CLTC: variants seen among roughly 807,000 people sequenced by gnomAD.
CLTC encodes the protein clathrin heavy chain 1.
In CLTC, 16 loss-of-function variants were observed where a neutral mutation model predicts 195.8. The ratio of observed to expected loss-of-function variants is 0.08; its 90% CI spans 0.06 to 0.12. CLTC has a LOEUF of 0.12. CLTC is among the 10% of genes least tolerant of loss of function. The pLI is 1.00. For synonymous variants in CLTC, 667 were observed against 689.4 expected (o/e 0.97, Z 0.51); for missense variants, 796 against 2,027.0 (o/e 0.39, Z 11.66).
At chr17:59,636,511 G>A (rs8074079) in intron 1 of CLTC, among the ~76,000 whole-genome samples, 86,025 of 151,078 alleles carry the variant, frequency 0.57, 28,116 homozygotes, top group Non-Finnish European at 0.74. Flanking sequence ...GCTGGAGTGC[G>A]GTGGCGCGAT....
At chr17:59,623,899 A>C (rs1162826827) in intron 1 of CLTC, among the ~76,000 whole-genome samples, 1 of 152,210 alleles carries the variant, frequency 6.6e-6, no homozygotes, top group Non-Finnish European at 1.5e-5. Context: ...ACATGTGACA[A>C]TTGACTCCTA....
At chr17:59,646,300 T>G (rs2032192580) in intron 2 of CLTC, among the ~76,000 whole-genome samples, 2 of 152,176 alleles carry the variant, frequency 1.3e-5, no homozygotes, top group Non-Finnish European at 2.9e-5. Context: ...CCCCTTGGCT[T>G]CTTTTTATAA....
At chr17:59,645,850 G>C (rs960353741) in intron 2 of CLTC, among the ~76,000 whole-genome samples, 2 of 71,492 alleles carry the variant, frequency 2.8e-5, no homozygotes, top group Non-Finnish European at 7.1e-5. Flanking sequence ...CTTCTATTTA[G>C]GGTATTAAGC....
chr17:59,657,161 A>T (rs1163431788), intron 6 of CLTC, among the ~76,000 whole-genome samples: 3 of 152,138 alleles, frequency 2.0e-5, no homozygotes, highest in Non-Finnish European at 4.4e-5. Context: ...ATTTTTGAAA[A>T]ATGTTATGTA....
chr17:59,655,749 CTTG>C, intron 5 of CLTC, 102 bp from the exon 6 acceptor site: 2 of 903,620 alleles, frequency 2.2e-6, no homozygotes, highest in South Asian at 4.5e-5. Flanking sequence ...AAATAACCCT[CTTG>C]TTCTGGAATT....
chr17:59,620,014 A>G lies in CLTC; in HGVS notation c.-118A>G. Reference sequence around the variant, plus strand: ...CTGCCAGTTTCCTGCGTCCCCGGAGAGGATCCTGCTGAGCCCAGCCTCCCC... The same window carrying G: ...CTGCCAGTTTCCTGCGTCCCCGGAGGGGATCCTGCTGAGCCCAGCCTCCCC... On this transcript the variant is annotated 5_prime_UTR_variant, in exon 1 of 32. Coordinates refer to ENST00000269122, the MANE Select transcript of CLTC (RefSeq NM_004859.4). The G allele has an allele frequency of 1.2e-6, 1 of 825,546 alleles. No individual in the cohort carries two copies. Among genetic ancestry groups the G allele is most frequent in the Non-Finnish European group, 2.0e-6 (1 of 511,322 alleles). 51.1% of individuals were successfully genotyped at this position (825,546 alleles called of 1,614,324 possible). A position where few individuals can be genotyped will look rare whatever the true frequency, so the allele number is the denominator to read the frequency against.
Position 59,620,183 on chromosome 17 carries a change from G to A in CLTC, c.42+10G>A. On this transcript the variant is annotated intron_variant, in intron 1 of 31. Coordinates refer to ENST00000269122, the MANE Select transcript of CLTC (RefSeq NM_004859.4). ...TCAGGAGCATCTCCAGGTGCGGCCG[G>A]GCCCGGGCTGGTGAGGGCTGTGGAG... 1 of 1,614,056 alleles carries A rather than the reference G, an allele frequency of 6.2e-7. No homozygotes were observed. The highest frequency in any genetic ancestry group is 8.5e-7 in the Non-Finnish European group (1 of 1,179,952).
In CLTC at chr17:59,682,169, A is replaced by G. The variant is rs1282805680; in HGVS notation, c.3443-102A>G. On this transcript the variant is annotated intron_variant, in intron 21 of 31. Coordinates refer to ENST00000269122, the MANE Select transcript of CLTC (RefSeq NM_004859.4). This position sits in a 1 kb window ranked among gnomAD's most constrained non-coding sequence, Gnocchi z 6.8. ...GCACGGTTTACATTTGTCATTATCC[A>G]TGTTTCCTTGAAAAGGAAATGAATG... 36 of 1,089,820 alleles carry G rather than the reference A, an allele frequency of 3.3e-5. 1 individual carries two copies. In the East Asian group the frequency reaches 6.3e-4, roughly 19 times the overall value. 67.5% of individuals were successfully genotyped at this position (1,089,820 alleles called of 1,614,324 possible). A position where few individuals can be genotyped will look rare whatever the true frequency, so the allele number is the denominator to read the frequency against.
intron 1 of CLTC, among the ~76,000 whole-genome samples, chr17:59,622,929 G>T (rs1468531551): frequency 6.6e-6 from 1 of 152,172 alleles, no homozygotes; most frequent in Non-Finnish European, 1.5e-5. Flanking sequence ...AATATATGAA[G>T]ATTTCTCTTT....
At chr17:59,627,802 T>G (rs1355834207) in intron 1 of CLTC, among the ~76,000 whole-genome samples, 1 of 152,224 alleles carries the variant, frequency 6.6e-6, no homozygotes, top group African/African-American at 2.4e-5. Flanking sequence ...GTCACACTTT[T>G]CTATAGACTT....
At chr17:59,631,883 T>A (rs564247910) in intron 1 of CLTC, among the ~76,000 whole-genome samples, 2 of 150,690 alleles carry the variant, frequency 1.3e-5, no homozygotes, top group African/African-American at 2.4e-5. Flanking sequence ...GGTGGATGGA[T>A]CACCTGAGCC....
chr17:59,695,672 C>CA lies in CLTC; in HGVS notation c.*1827dup, dbSNP rs139136427. ...AGAATGAGACTCTTGTCTCAAAAAA[C>CA]AAAAAAACCTATTTAGTTTCATCCA... On this transcript the variant is annotated 3_prime_UTR_variant, in exon 32 of 32. Coordinates refer to ENST00000269122, the MANE Select transcript of CLTC (RefSeq NM_004859.4). The CA allele has an allele frequency of 1.1e-4, 21 of 184,696 alleles. 1 individual carries two copies. The highest frequency in any genetic ancestry group is 1.5e-4 in the Non-Finnish European group (13 of 87,356). 11.4% of individuals were successfully genotyped at this position (184,696 alleles called of 1,614,324 possible).
rs2032249084 is a variant in CLTC, at chr17:59,648,455, C to T, written c.681+54C>T. On this transcript the variant is annotated intron_variant, in intron 4 of 31. Coordinates refer to ENST00000269122, the MANE Select transcript of CLTC (RefSeq NM_004859.4). The surrounding 1 kb of genome is among the most constrained non-coding windows in gnomAD (Gnocchi z 4.5). The stretch of plus-strand genomic sequence containing the variant: ...ATGAGAACTTGTATTTGGCTTTCTG[C>T]TATGAATTAGTCATCTAATTTCAAA... The T allele has an allele frequency of 6.7e-7, 1 of 1,487,724 alleles. No homozygotes were observed. Among genetic ancestry groups the T allele is most frequent in the African/African-American group, 1.4e-5 (1 of 72,194 alleles). The allele number at this position is 1,487,724 out of a possible 1,614,324, so 92.2% of individuals were successfully genotyped here. A position where few individuals can be genotyped will look rare whatever the true frequency, so the allele number is the denominator to read the frequency against.
intron 1 of CLTC, among the ~76,000 whole-genome samples, chr17:59,627,415 A>G (rs1321136099): frequency 1.3e-5 from 2 of 152,220 alleles, no homozygotes; most frequent in Non-Finnish European, 2.9e-5. Context: ...TGAAGTTCAT[A>G]GTAGGTAACT....
chr17:59,639,405 T>C (rs2031964624), intron 1 of CLTC, among the ~76,000 whole-genome samples: 3 of 152,168 alleles, frequency 2.0e-5, no homozygotes, highest in Admixed American at 2.0e-4. Flanking sequence ...ATTGACTCCA[T>C]ATTCTTATAA....
At chr17:59,632,104 C>T (rs911100832) in intron 1 of CLTC, among the ~76,000 whole-genome samples, 1 of 152,076 alleles carries the variant, frequency 6.6e-6, no homozygotes, top group African/African-American at 2.4e-5. Context: ...TGTGGTGGCT[C>T]ACGCCTGTAA....
intron 31 of CLTC, chr17:59,690,946 G>A: frequency 2.5e-6 from 1 of 406,406 alleles, no homozygotes; most frequent in Non-Finnish European, 4.4e-6. Context: ...ATCATAACAT[G>A]AATCTTTCCT....
chr17:59,633,766 A>G (rs937876560), intron 1 of CLTC, among the ~76,000 whole-genome samples: 7 of 152,210 alleles, frequency 4.6e-5, no homozygotes, highest in Non-Finnish European at 4.4e-5. Flanking sequence ...AAGTTGTGTC[A>G]TAGAATGAAG....
intron 9 of CLTC, 139 bp from the exon 10 acceptor site, chr17:59,664,648 A>G: frequency 1.3e-6 from 1 of 789,320 alleles, no homozygotes; most frequent in Non-Finnish European, 1.9e-6. Flanking sequence ...ACCAAGGTCT[A>G]ACTGGGCACC....
Sources: allele counts gnomAD v4.1 joint callset (sites outside exome capture counted in the v4.1 genomes callset), GRCh38; gene constraint gnomAD v4.1.1; non-coding constraint Gnocchi (gnomAD v3.1); transcripts MANE v1.5; gene names NCBI Gene and HGNC (gene_info 2026-07-23, HGNC 2026-07-21).